Variants in FAM184B observed in about 807,000 individuals in gnomAD.
FAM184B encodes the protein family with sequence similarity 184 member B.
A neutral mutation model predicts 135.9 loss-of-function variants in FAM184B; 111 were observed. That is an observed-to-expected ratio of 0.82 (90% CI 0.70 to 0.96). FAM184B has a LOEUF of 0.96. Ranked by LOEUF, FAM184B falls within the 40% of genes least tolerant of loss-of-function variation. The pLI is 0.00. For missense variants in FAM184B, 1,375 were observed against 1,323.9 expected (o/e 1.04, Z -0.60); for synonymous variants, 552 against 524.8 (o/e 1.05, Z -0.71).
intron 1 of FAM184B, among the ~76,000 whole-genome samples, chr4:17,754,794 T>C (rs1481148773): frequency 6.6e-6 from 1 of 151,990 alleles, no homozygotes; most frequent in Non-Finnish European, 1.5e-5. Context: ...AATAAACAAG[T>C]AATCAGGGCC....
At chr4:17,740,351 C>CAAAAA (rs55801096) in intron 1 of FAM184B, among the ~76,000 whole-genome samples, 40 of 84,496 alleles carry the variant, frequency 4.7e-4, no homozygotes, top group African/African-American at 1.6e-3. Flanking sequence ...GACCCTGTCT[C>CAAAAA]AAAAAAAAAA....
chr4:17,684,576 A>G (rs957916769), intron 7 of FAM184B, among the ~76,000 whole-genome samples: 1 of 152,234 alleles, frequency 6.6e-6, no homozygotes, highest in African/African-American at 2.4e-5. Context: ...GTTTATGCAC[A>G]CTTCTCCCTC....
chr4:17,764,013 A>C (rs769246648), intron 1 of FAM184B, among the ~76,000 whole-genome samples: 1 of 152,076 alleles, frequency 6.6e-6, no homozygotes, highest in Non-Finnish European at 1.5e-5. Context: ...CCCAACACCT[A>C]CCTACATGTT....
chr4:17,762,269 C>G (rs1012326749), intron 1 of FAM184B, among the ~76,000 whole-genome samples: 1 of 152,224 alleles, frequency 6.6e-6, no homozygotes, highest in Admixed American at 6.5e-5. Flanking sequence ...ATCTAGACAT[C>G]TTTTTTGAGT....
At chr4:17,742,168 A>ATATATATATTT (rs1459958150) in intron 1 of FAM184B, among the ~76,000 whole-genome samples, 15 of 109,308 alleles carry the variant, frequency 1.4e-4, no homozygotes, top group African/African-American at 7.2e-4. Flanking sequence ...ATATATATAT[A>ATATATATATTT]TTTTTTTTTT....
At chr4:17,651,537 CAAAAA>C (rs751455835) in intron 11 of FAM184B, among the ~76,000 whole-genome samples, 5 of 43,108 alleles carry the variant, frequency 1.2e-4, no homozygotes, top group South Asian at 3.6e-3. Flanking sequence ...GACTCTGTCT[CAAAAA>C]AAAAAAAAAA....
chr4:17,726,167 G>A (rs1420555497), intron 1 of FAM184B, among the ~76,000 whole-genome samples: 6 of 151,900 alleles, frequency 3.9e-5, no homozygotes, highest in African/African-American at 9.7e-5. Flanking sequence ...CTTGTGATCC[G>A]CCTGCCTCAG....
chr4:17,740,509 G>A (rs1253404658), intron 1 of FAM184B, among the ~76,000 whole-genome samples: 6 of 151,882 alleles, frequency 4.0e-5, no homozygotes, highest in Admixed American at 3.9e-4. Context: ...GGGAAAGCTA[G>A]GGATGTTTCA....
chr4:17,653,118 G>GCATTCTCTGT, intron 10 of FAM184B, 135 bp from the exon 11 acceptor site: 1 of 873,992 alleles, frequency 1.1e-6, no homozygotes, highest in Non-Finnish European at 1.8e-6. Context: ...TCAGGCTACA[G>GCATTCTCTGT]AGAATGCTGT....
At chr4:17,742,168 A>ATAT (rs1459958150) in intron 1 of FAM184B, among the ~76,000 whole-genome samples, 12 of 109,308 alleles carry the variant, frequency 1.1e-4, no homozygotes, top group African/African-American at 5.8e-4. Flanking sequence ...ATATATATAT[A>ATAT]TTTTTTTTTT....
chr4:17,698,921 A>G (rs1385243112), intron 5 of FAM184B, among the ~76,000 whole-genome samples: 1 of 152,160 alleles, frequency 6.6e-6, no homozygotes, highest in Non-Finnish European at 1.5e-5. Flanking sequence ...TAAATAGGCA[A>G]AGAAGCAGAA....
At chr4:17,707,053 G>T (rs980904245) in intron 3 of FAM184B, among the ~76,000 whole-genome samples, 1 of 152,116 alleles carries the variant, frequency 6.6e-6, no homozygotes, top group Non-Finnish European at 1.5e-5. Context: ...CTCCCAAAGT[G>T]CTGGGATTAT....
chr4:17,772,827 C>T (rs368427177), intron 1 of FAM184B, among the ~76,000 whole-genome samples: 1 of 152,224 alleles, frequency 6.6e-6, no homozygotes. Context: ...GCAGTTCTGC[C>T]TGCCAGGTGC....
intron 10 of FAM184B, among the ~76,000 whole-genome samples, chr4:17,656,171 CAT>C (rs1715775225): frequency 6.6e-6 from 1 of 152,140 alleles, no homozygotes; most frequent in Non-Finnish European, 1.5e-5. Context: ...CTCTCTGCCT[CAT>C]GTGAGAAATT....
chr4:17,644,476 G>A (rs1212268815), intron 12 of FAM184B, among the ~76,000 whole-genome samples: 5 of 152,054 alleles, frequency 3.3e-5, no homozygotes, highest in Admixed American at 2.0e-4. Flanking sequence ...CAGAACCAAC[G>A]ACAAAAACCA....
At chr4:17,719,337 AAG>A in intron 1 of FAM184B, among the ~76,000 whole-genome samples, 1 of 152,348 alleles carries the variant, frequency 6.6e-6, no homozygotes, top group African/African-American at 2.4e-5. Context: ...CCAGGAGGAA[AAG>A]AGGAGGACGG....
chr4:17,652,479 T>G (rs1173145631), intron 11 of FAM184B, among the ~76,000 whole-genome samples: 1 of 152,246 alleles, frequency 6.6e-6, no homozygotes, highest in Non-Finnish European at 1.5e-5. Context: ...TAGGGACAAC[T>G]GTAATTCAAT....
chr4:17,648,872 A>C (rs1427546117), intron 11 of FAM184B, among the ~76,000 whole-genome samples: 1 of 152,142 alleles, frequency 6.6e-6, no homozygotes, highest in East Asian at 1.9e-4. Context: ...ATGGAGACTG[A>C]TTTCTAGTAC....
In FAM184B at chr4:17,636,546, G is replaced by T. The variant is rs1715142542; in HGVS notation, c.2766C>A (p.Asp922Glu). 1.3e-6 allele frequency: 2 copies of T among 1,550,884 alleles called. No homozygotes were observed. The highest frequency in any genetic ancestry group is 3.3e-4 in the Middle Eastern group (2 of 5,992). Residue 922 changes from aspartate (D) to glutamate (E), a missense_variant, in exon 15 of 18, where the codon GAC (aspartate) becomes GAA (glutamate). Transcript: ENST00000265018. Reference protein sequence around the residue: ...RLQTRLKEREDIIKQLTEERR... With the variant: ...RLQTRLKEREEIIKQLTEERR... ...GCCTCACCGTGAGCTGCTTGATGAT[G>T]TCCTCTCTCTCCTTCAGGCGGGTCT...
Sources: allele counts gnomAD v4.1 joint callset (sites outside exome capture counted in the v4.1 genomes callset), GRCh38; gene constraint gnomAD v4.1.1; transcripts MANE v1.5; gene names NCBI Gene and HGNC (gene_info 2026-07-23, HGNC 2026-07-21).